Variants in CADM2 observed in about 807,000 individuals in gnomAD.
CADM2 encodes the protein immunoglobulin superfamily member 4D.
In CADM2, 12 loss-of-function variants were observed where a neutral mutation model predicts 49.8. The observed-to-expected ratio is 0.24, with a 90% CI of 0.15 to 0.39. The LOEUF (loss-of-function observed/expected upper bound fraction) is 0.39, where lower values mean the gene tolerates loss of function less well. Ranked by LOEUF, CADM2 falls within the 10% of genes least tolerant of loss-of-function variation. The pLI, the probability that CADM2 is intolerant of heterozygous loss-of-function variation, is 1.00. For synonymous variants in CADM2, 214 were observed against 175.4 expected (o/e 1.22, Z -1.74); for missense variants, 378 against 492.3 (o/e 0.77, Z 2.20).
intron 1 of CADM2, among the ~76,000 whole-genome samples, chr3:85,460,028 C>A (rs954452972): frequency 6.6e-6 from 1 of 152,056 alleles, no homozygotes; most frequent in African/African-American, 2.4e-5. Flanking sequence ...CGTGAAGAAA[C>A]CTTAGATACT....
intron 1 of CADM2, among the ~76,000 whole-genome samples, chr3:85,462,660 T>A (rs1436158090): frequency 6.6e-6 from 1 of 152,124 alleles, no homozygotes; most frequent in Non-Finnish European, 1.5e-5. Context: ...TAATATTATG[T>A]CAAAAAGATT....
At chr3:86,047,063 C>A (rs1480268653) in intron 8 of CADM2, among the ~76,000 whole-genome samples, 1 of 151,950 alleles carries the variant, frequency 6.6e-6, no homozygotes, top group African/African-American at 2.4e-5. Flanking sequence ...CTTCAGTCAT[C>A]AAGAGCAAGT....
intron 1 of CADM2, among the ~76,000 whole-genome samples, chr3:85,034,581 G>A (rs1411819223): frequency 9.9e-5 from 15 of 151,986 alleles, no homozygotes; most frequent in African/African-American, 1.4e-4. Flanking sequence ...TATCTCTGAC[G>A]TATTTCCTTT....
intron 1 of CADM2, among the ~76,000 whole-genome samples, chr3:85,674,370 C>G (rs2065831946): frequency 6.6e-6 from 1 of 152,054 alleles, no homozygotes; most frequent in Non-Finnish European, 1.5e-5. Flanking sequence ...TGTGTTCTGA[C>G]TGTCTAAAGA....
At chr3:85,297,675 T>C (rs926922366) in intron 1 of CADM2, among the ~76,000 whole-genome samples, 1 of 152,042 alleles carries the variant, frequency 6.6e-6, no homozygotes, top group Non-Finnish European at 1.5e-5. Context: ...ACCTACCCTC[T>C]AACCCCACAA....
chr3:85,990,192 G>A (rs1363305210), intron 8 of CADM2, among the ~76,000 whole-genome samples: 1 of 151,958 alleles, frequency 6.6e-6, no homozygotes, highest in Non-Finnish European at 1.5e-5. Flanking sequence ...ATACACGTCA[G>A]TAGAATCCAT....
At chr3:85,353,480 T>C (rs182304804) in intron 1 of CADM2, among the ~76,000 whole-genome samples, 1 of 152,196 alleles carries the variant, frequency 6.6e-6, no homozygotes, top group African/African-American at 2.4e-5. Context: ...TTTGAATTAA[T>C]TTTATATGAT....
intron 1 of CADM2, among the ~76,000 whole-genome samples, chr3:85,473,071 A>G (rs2038835278): frequency 6.6e-6 from 1 of 152,056 alleles, no homozygotes; most frequent in African/African-American, 2.4e-5. Flanking sequence ...TAAGCAATAA[A>G]CAGAAGTTAA....
chr3:85,454,569 A>G (rs755092904), intron 1 of CADM2, among the ~76,000 whole-genome samples: 7 of 152,214 alleles, frequency 4.6e-5, no homozygotes, highest in Non-Finnish European at 1.0e-4. Flanking sequence ...AACCAGATAT[A>G]GAACCAAAAT....
intron 8 of CADM2, among the ~76,000 whole-genome samples, chr3:85,972,034 G>A (rs775083265): frequency 2.6e-5 from 4 of 151,554 alleles, no homozygotes; most frequent in Admixed American, 6.6e-5. Context: ...AGCAGATGGG[G>A]TTACTATATG....
intron 8 of CADM2, among the ~76,000 whole-genome samples, chr3:86,039,023 G>A (rs183853803): frequency 1.8e-4 from 27 of 152,262 alleles, no homozygotes; most frequent in Admixed American, 5.9e-4. Flanking sequence ...CTATATGTCC[G>A]TACTCTTTTA....
At chr3:85,615,994 T>C (rs1249304966) in intron 1 of CADM2, among the ~76,000 whole-genome samples, 1 of 151,966 alleles carries the variant, frequency 6.6e-6, no homozygotes, top group African/African-American at 2.4e-5. Context: ...TTGAATGAGA[T>C]GGCTCTGAGC....
Position 85,066,836 on chromosome 3 carries a change from C to A in CADM2, c.61+107168C>A, listed in dbSNP as rs373075882. On this transcript the variant is annotated intron_variant, in intron 1 of 9. Coordinates refer to ENST00000383699, the MANE Select transcript of CADM2 (RefSeq NM_001167675.2). ...TAAATACTCTGTAAACTTCCTTAACCTAGTTTTACCTTAAGGTATATTTTC... is the reference window on the plus strand; with the variant it reads ...TAAATACTCTGTAAACTTCCTTAACATAGTTTTACCTTAAGGTATATTTTC... Among the ~76,000 whole-genome samples the A allele has an allele frequency of 1.9e-4, 29 of 152,254 alleles. 1 individual carries two copies. The East Asian group carries it at 5.0e-3, about 26-fold the overall frequency.
In CADM2 at chr3:85,327,563, C is replaced by T. The variant is rs527893497; in HGVS notation, c.61+367895C>T. 6.6e-3 allele frequency among the ~76,000 whole-genome samples: 955 copies of T among 144,144 alleles called. 3 individuals are homozygous for T. Among genetic ancestry groups the T allele is most frequent in the Non-Finnish European group, 0.011 (755 of 66,764 alleles). 94.6% of individuals were successfully genotyped at this position (144,144 alleles called of 152,430 possible). A position where few individuals can be genotyped will look rare whatever the true frequency, so the allele number is the denominator to read the frequency against. On this transcript the variant is annotated intron_variant, in intron 1 of 9. Transcript: ENST00000383699. ...GAGCCACCATGCCCGGCCACACACA[C>T]ACACACACACACACACACACACACA...
chr3:85,586,107 T>A (rs967764398), intron 1 of CADM2, among the ~76,000 whole-genome samples: 13 of 152,044 alleles, frequency 8.6e-5, no homozygotes, highest in African/African-American at 3.1e-4. Flanking sequence ...TTCATGCTGT[T>A]CCCATTTGTC....
At chr3:85,264,946 T>C (rs1191297317) in intron 1 of CADM2, among the ~76,000 whole-genome samples, 2 of 152,000 alleles carry the variant, frequency 1.3e-5, no homozygotes, top group African/African-American at 4.8e-5. Flanking sequence ...TAATAAATCC[T>C]GACTTTGCTA....
At chr3:85,871,770 C>A (rs1180420530) in intron 3 of CADM2, among the ~76,000 whole-genome samples, 1 of 152,080 alleles carries the variant, frequency 6.6e-6, no homozygotes, top group Non-Finnish European at 1.5e-5. Context: ...CTATATCCAT[C>A]TTTGATGAGA....
intron 1 of CADM2, among the ~76,000 whole-genome samples, chr3:85,127,999 C>A (rs928900422): frequency 1.3e-5 from 2 of 152,180 alleles, no homozygotes; most frequent in African/African-American, 4.8e-5. Flanking sequence ...GTCACACTAG[C>A]CCCATTTCAA....
chr3:86,013,552 T>A, intron 8 of CADM2: 2 of 1,604,528 alleles, frequency 1.2e-6, no homozygotes, highest in Non-Finnish European at 1.7e-6. Flanking sequence ...CAGAGGCAGA[T>A]GGTAGAGATC....
Sources: gnomAD v4.1 joint callset for allele counts (sites outside exome capture counted in the v4.1 genomes callset) on GRCh38, gnomAD v4.1.1 for gene constraint, MANE v1.5 for transcripts, NCBI Gene and HGNC (gene_info 2026-07-23, HGNC 2026-07-21) for gene names.